The following FGFBP2 variants were observed in gnomAD, a reference collection of about 807,000 sequenced individuals.
FGFBP2 encodes the protein fibroblast growth factor binding protein 2.
Under a neutral mutation model 7.3 loss-of-function variants are expected in FGFBP2, and 7 were observed. The ratio of observed to expected loss-of-function variants is 0.96; its 90% CI spans 0.55 to 1.81. The LOEUF is 1.81. Ranked by LOEUF, FGFBP2 falls within the 40% of genes most tolerant of loss-of-function variation. The probability of loss-of-function intolerance (pLI) is 0.00; values close to 1 mark genes in which losing one functional copy is unlikely to be tolerated. For missense variants in FGFBP2, 291 were observed against 280.1 expected (o/e 1.04, Z -0.28); for synonymous variants, 131 against 110.2 (o/e 1.19, Z -1.18).
intron 1 of FGFBP2, among the ~76,000 whole-genome samples, chr4:15,961,103 C>A (rs1469798109): frequency 6.6e-6 from 1 of 152,186 alleles, no homozygotes; most frequent in Non-Finnish European, 1.5e-5. Flanking sequence ...TTGTTTTGAG[C>A]TTTAGCGCCT....
chr4:15,961,495 T>C (rs1425708148), intron 1 of FGFBP2, among the ~76,000 whole-genome samples: 1 of 152,224 alleles, frequency 6.6e-6, no homozygotes, highest in East Asian at 1.9e-4. Context: ...TGGGCGCTTG[T>C]AGAAAAAGCC....
rs565222223 is a variant in FGFBP2 at position 15,961,818 on chromosome 4, CA to C, written c.*20+619del. Reference sequence around the variant, plus strand: ...ATTAGATTTTCTCCTCTGTGATGAACAAAAAACAATTAAAGGCTTTGAGAGC... The same window carrying C: ...ATTAGATTTTCTCCTCTGTGATGAACAAAAACAATTAAAGGCTTTGAGAGC... On this transcript the variant is annotated intron_variant, in intron 1 of 1. Transcript: ENST00000259989. 2.6e-3 allele frequency among the ~76,000 whole-genome samples: 390 copies of C among 152,180 alleles called. 1 individual carries two copies. Among genetic ancestry groups the C allele is most frequent in the Non-Finnish European group, 4.7e-3 (317 of 68,008 alleles).
At chr4:15,960,981 G>A (rs1713069738) in intron 1 of FGFBP2, among the ~76,000 whole-genome samples, 1 of 152,210 alleles carries the variant, frequency 6.6e-6, no homozygotes, top group Non-Finnish European at 1.5e-5. Context: ...CTCCAGAATT[G>A]TGAGAAAATA....
At chr4:15,960,941 C>G (rs891197276) in intron 1 of FGFBP2, among the ~76,000 whole-genome samples, 2 of 152,196 alleles carry the variant, frequency 1.3e-5, no homozygotes, top group African/African-American at 2.4e-5. Context: ...GACACCAATC[C>G]TGCTGACACC....
In FGFBP2 at chr4:15,962,896, G is replaced by T; in HGVS notation, c.234C>A (p.Pro78=). 2 of 1,571,254 alleles carry T rather than the reference G, an allele frequency of 1.3e-6. No individual in the cohort carries two copies. Among genetic ancestry groups the T allele is most frequent in the South Asian group, 2.3e-5 (2 of 87,684 alleles). The part of the protein sequence containing the change: ...QTYWCEYRGQ[P]SMCQAFAADP... ...CAGCAGCGAAAGCCTGGCACATGCT[G>T]GGCTGCCCCCTGTACTCACACCAGT... The change falls in exon 1 of 2, where the codon CCC becomes CCA. Residue 78 remains proline (P), a synonymous_variant. Coordinates refer to ENST00000259989, the MANE Select transcript of FGFBP2 (RefSeq NM_031950.4).
chr4:15,960,619 A>G lies in FGFBP2; in HGVS notation c.*21-8T>C, dbSNP rs1342197032. 2 of 152,044 alleles carry G rather than the reference A, an allele frequency of 1.3e-5. No individual in the cohort carries two copies. Among genetic ancestry groups the G allele is most frequent in the Admixed American group, 6.5e-5 (1 of 15,270 alleles). 9.4% of individuals were successfully genotyped at this position (152,044 alleles called of 1,614,324 possible). ...GTCAGGGAGAGGTCAGATCTAAAAA[A>G]AAAAAAAAAGAAAAAAAAAGGAAGG... On this transcript the variant is annotated splice_polypyrimidine_tract_variant and splice_region_variant and intron_variant, in intron 1 of 1. Transcript: ENST00000259989.
At chr4:15,961,369 A>C (rs1183211531) in intron 1 of FGFBP2, among the ~76,000 whole-genome samples, 1 of 152,036 alleles carries the variant, frequency 6.6e-6, no homozygotes, top group Non-Finnish European at 1.5e-5. Context: ...TTTTTGGCTT[A>C]AGTGTCCCCT....
Position 15,963,158 on chromosome 4 carries a change from C to T in FGFBP2, c.-29G>A. On this transcript the variant is annotated 5_prime_UTR_variant, in exon 1 of 2. Transcript: ENST00000259989. ...GATACTCCGATAAACTTGCTTGCAA[C>T]TCTGCACCAGGAGAGAGAACACAAG... The T allele has an allele frequency of 6.4e-7, 1 of 1,558,162 alleles. No homozygotes were observed. The highest frequency in any genetic ancestry group is 8.7e-7 in the Non-Finnish European group (1 of 1,149,270).
rs535460017 is a variant in FGFBP2, at chr4:15,962,731, G to A, written c.399C>T (p.Leu133=). ...GCTGGTTGGGCTCTGGGCTGCCCTT[G>A]AGGCTGGAAGTCACCTGCTGCATAT... ...QAHMQQVTSS[L]KGSPEPNQQP... is the part of the protein sequence containing the mutation. The change falls in exon 1 of 2, where the codon CTC becomes CTT. Residue 133 remains leucine, a synonymous_variant. Coordinates refer to ENST00000259989, the MANE Select transcript of FGFBP2 (RefSeq NM_031950.4). 2.5e-5 allele frequency: 40 copies of A among 1,613,106 alleles called. No homozygotes were observed. The South Asian group carries it at 4.3e-4, about 17-fold the overall frequency.
Position 15,962,465 on chromosome 4 carries a change from C to T in FGFBP2, c.665G>A (p.Arg222Gln), listed in dbSNP as rs112278577. ...ALCAFLISFF[R>Q]G The stretch of plus-strand genomic sequence containing the variant: ...GTAGGGGTCTTTCACCTGTCACCCT[C>T]GGAAGAAGCTGATGAGAAAGGCGCA... Residue 222 changes from arginine (R) to glutamine (Q), a missense_variant, in exon 1 of 2, where the codon CGA becomes CAA. Arg to Gln is a conservative substitution (Grantham distance 43). Transcript: ENST00000259989. The T allele has an allele frequency of 2.0e-5, 31 of 1,554,790 alleles. 1 individual carries two copies. The Admixed American group carries it at 3.5e-4, about 17-fold the overall frequency.
At position 15,962,543 on chromosome 4, in the gene FGFBP2, T is replaced by C. The variant is rs1560350489; in HGVS notation, c.587A>G (p.Glu196Gly). 1 of 1,613,156 alleles carries C rather than the reference T, an allele frequency of 6.2e-7. No homozygotes were observed. The highest frequency in any genetic ancestry group is 2.2e-5 in the East Asian group (1 of 44,868). ...TTCCCAGGCCTTCTTCTTTGCTTCC[T>C]CATTCCCTCCGGGCCTGGGTCCAGG... ...TQPGPRPGGNEEAKKKAWEHC... is the reference protein window; with the variant it reads ...TQPGPRPGGNGEAKKKAWEHC... The change falls in exon 1 of 2, where the codon GAG (glutamate) becomes GGG (glycine). Residue 196 changes from glutamate to glycine, a missense_variant. By Grantham distance (98) the Glu-to-Gly change is moderately conservative. Transcript: ENST00000259989.
chr4:15,962,903 C>T lies in FGFBP2; in HGVS notation c.227G>A (p.Gly76Glu). 1 of 1,578,438 alleles carries T rather than the reference C, an allele frequency of 6.3e-7. No homozygotes were observed. Residue 76 changes from glycine (G) to glutamate (E), a missense_variant, in exon 1 of 2, where the codon GGG (glycine) becomes GAG (glutamate). Physicochemically the swap from Gly to Glu is moderately conservative, Grantham distance 98 (BLOSUM62 -2). Coordinates refer to ENST00000259989, the MANE Select transcript of FGFBP2 (RefSeq NM_031950.4). ...GAAAGCCTGGCACATGCTGGGCTGC[C>T]CCCTGTACTCACACCAGTAGGTCTG... ...TDQTYWCEYR[G>E]QPSMCQAFAA...
In FGFBP2 at chr4:15,962,641, C is replaced by T. The variant is rs1713117773; in HGVS notation, c.489G>A (p.Gln163=). Residue 163 remains glutamine, a synonymous_variant, in exon 1 of 2, where the codon CAG becomes CAA. Transcript: ENST00000259989. ...KATVKLTEAT[Q]LGKDSMEELG... ...GCTCTTCCATCGAGTCCTTTCCCAGCTGTGTTGCTTCTGTGAGTTTCACTG... is the reference window on the plus strand; with the variant it reads ...GCTCTTCCATCGAGTCCTTTCCCAGTTGTGTTGCTTCTGTGAGTTTCACTG... The T allele has an allele frequency of 6.2e-7, 1 of 1,614,212 alleles. No homozygotes were observed.
chr4:15,962,787 A>G lies in FGFBP2; in HGVS notation c.343T>C (p.Ser115Pro). The change falls in exon 1 of 2, where the codon TCC (serine) becomes CCC (proline). Residue 115 changes from serine to proline, a missense_variant. Transcript: ENST00000259989. Reference sequence around the variant, plus strand: ...TGGGGTCCAGCCTCCCTGCACACGGATGGCCTAAGCACCGGGGCCCCCTGG... The same window carrying G: ...TGGGGTCCAGCCTCCCTGCACACGGGTGGCCTAAGCACCGGGGCCCCCTGG... ...ACQGAPVLRP[S>P]VCREAGPQAH... 2 of 1,593,516 alleles carry G rather than the reference A, an allele frequency of 1.3e-6. No individual in the cohort carries two copies. The highest frequency in any genetic ancestry group is 1.7e-6 in the Non-Finnish European group (2 of 1,169,280).
chr4:15,962,806 C>G lies in FGFBP2; in HGVS notation c.324G>C (p.Gly108=), dbSNP rs753271183. ...ACACGGATGGCCTAAGCACCGGGGC[C>G]CCCTGGCACGCATGGTGAAGGCGCC... The part of the protein sequence containing the change: ...ELRRLHHACQ[G]APVLRPSVCR... The change falls in exon 1 of 2, where the codon GGG becomes GGC. Residue 108 remains glycine (G), a synonymous_variant. Transcript: ENST00000259989. 6.3e-7 allele frequency: 1 copy of G among 1,575,968 alleles called. No individual in the cohort carries two copies. The highest frequency in any genetic ancestry group is 1.1e-5 in the South Asian group (1 of 87,306).
intron 1 of FGFBP2, among the ~76,000 whole-genome samples, chr4:15,961,625 T>G (rs1254548233): frequency 6.6e-6 from 1 of 152,200 alleles, no homozygotes; most frequent in East Asian, 1.9e-4. Context: ...AAACTCAAAG[T>G]GCACAAGTAA....
In FGFBP2 at chr4:15,960,543, T is replaced by C. The variant is rs1713060963; in HGVS notation, c.*89A>G. 6.6e-6 allele frequency: 1 copy of C among 150,554 alleles called. No individual in the cohort carries two copies. The highest frequency in any genetic ancestry group is 2.0e-4 in the East Asian group (1 of 5,118). The allele number at this position is 150,554 out of a possible 1,614,324, so 9.3% of individuals were successfully genotyped here. ...CTGATTAGAAACTCTCTTCTTCCAGTGTGAGAACGTTGGATTGAAAGCGGC... is the reference window on the plus strand; with the variant it reads ...CTGATTAGAAACTCTCTTCTTCCAGCGTGAGAACGTTGGATTGAAAGCGGC... On this transcript the variant is annotated 3_prime_UTR_variant, in exon 2 of 2. Coordinates refer to ENST00000259989, the MANE Select transcript of FGFBP2 (RefSeq NM_031950.4).
At chr4:15,962,333 G>T in intron 1 of FGFBP2, 105 bp downstream of exon 1, 1 of 1,006,670 alleles carries the variant, frequency 9.9e-7, no homozygotes, top group Non-Finnish European at 1.4e-6. Flanking sequence ...CTGAGACTCT[G>T]ATGTGGTCGC....
At chr4:15,961,446 C>G (rs1339320591) in intron 1 of FGFBP2, among the ~76,000 whole-genome samples, 1 of 152,190 alleles carries the variant, frequency 6.6e-6, no homozygotes, top group African/African-American at 2.4e-5. Context: ...ACAGCAGACA[C>G]CAAAACAACT....
Sources: gnomAD v4.1 joint callset for allele counts (sites outside exome capture counted in the v4.1 genomes callset) on GRCh38, gnomAD v4.1.1 for gene constraint, MANE v1.5 for transcripts, NCBI Gene and HGNC (gene_info 2026-07-23, HGNC 2026-07-21) for gene names.